The following DNM3 variants were observed in gnomAD, a reference collection of about 807,000 sequenced individuals.
DNM3 encodes the protein dynamin-3.
In DNM3, 47 loss-of-function variants were observed where a neutral mutation model predicts 101.6. The ratio of observed to expected loss-of-function variants is 0.46; its 90% confidence interval spans 0.37 to 0.59. The LOEUF (loss-of-function observed/expected upper bound fraction) is 0.59. DNM3 is among the 20% of genes least tolerant of loss of function. DNM3 has a pLI of 0.00. For missense variants in DNM3, 849 were observed against 1,085.7 expected, an observed-to-expected ratio of 0.78 and a Z score of 3.06; for synonymous variants, 385 against 387.9, an observed-to-expected ratio of 0.99 and a Z score of 0.09.
At chr1:171,843,224 C>G (rs2031544867) in intron 1 of DNM3, among the ~76,000 whole-genome samples, 1 of 152,114 alleles carries the variant, frequency 6.6e-6, no homozygotes, top group African/African-American at 2.4e-5. Context: ...AGTAAAATTG[C>G]TGACAATTGG....
At chr1:171,891,359 AC>A (rs543245190) in intron 1 of DNM3, among the ~76,000 whole-genome samples, 2,385 of 151,240 alleles carry the variant, frequency 0.016, 71 homozygotes, top group African/African-American at 0.055. Context: ...AAAAAAAAAA[AC>A]AGAAAAATTA....
intron 14 of DNM3, among the ~76,000 whole-genome samples, chr1:172,159,021 A>G (rs897898907): frequency 9.2e-5 from 14 of 152,046 alleles, no homozygotes; most frequent in Non-Finnish European, 2.1e-4. Context: ...CTATGTATGT[A>G]TGATCACATA....
At position 171,961,322 on chromosome 1, in the gene DNM3, G is replaced by A. The variant is rs1434092225; in HGVS notation, c.236-26334G>A. On this transcript the variant is annotated intron_variant, in intron 2 of 20. Coordinates refer to ENST00000627582, the MANE Select transcript of DNM3 (RefSeq NM_015569.5). The stretch of plus-strand genomic sequence containing the variant: ...AGACTTTATGGTGACAGTGACAAGA[G>A]CAGCCATGAGGTCAGCTAGAAACAT... 2.6e-5 allele frequency among the ~76,000 whole-genome samples: 4 copies of A among 152,284 alleles called. No homozygotes were observed. In the East Asian group the frequency reaches 7.7e-4, roughly 29 times the overall value.
intron 2 of DNM3, among the ~76,000 whole-genome samples, chr1:171,957,035 G>C (rs1368452792): frequency 6.6e-6 from 1 of 152,086 alleles, no homozygotes; most frequent in African/African-American, 2.4e-5. Context: ...CTTCACAACT[G>C]TGATGGGGGT....
chr1:171,852,840 G>A (rs762889127), intron 1 of DNM3, among the ~76,000 whole-genome samples: 1 of 152,184 alleles, frequency 6.6e-6, no homozygotes, highest in Non-Finnish European at 1.5e-5. Context: ...TGCTTGGCAT[G>A]GTGTAGTCAG....
intron 12 of DNM3, among the ~76,000 whole-genome samples, chr1:172,089,894 C>A (rs1372350389): frequency 6.6e-6 from 1 of 152,146 alleles, no homozygotes; most frequent in Non-Finnish European, 1.5e-5. Context: ...CTTGTTTAGT[C>A]CTCTAGCCCT....
At chr1:172,019,603 AC>A (rs2047692530) in intron 4 of DNM3, among the ~76,000 whole-genome samples, 1 of 150,380 alleles carries the variant, frequency 6.6e-6, no homozygotes, top group South Asian at 2.1e-4. Flanking sequence ...CATATGTTAA[AC>A]CTTTTGTAGT....
At chr1:172,278,462 T>A (rs901814863) in intron 15 of DNM3, among the ~76,000 whole-genome samples, 2 of 152,108 alleles carry the variant, frequency 1.3e-5, no homozygotes, top group Admixed American at 1.3e-4. Context: ...TTTAAGAAAG[T>A]TTACGAATTC....
At chr1:172,113,235 G>C (rs2055616992) in intron 13 of DNM3, among the ~76,000 whole-genome samples, 1 of 152,060 alleles carries the variant, frequency 6.6e-6, no homozygotes, top group African/African-American at 2.4e-5. Flanking sequence ...ATTTTATCTT[G>C]GTAACGTTAA....
intron 15 of DNM3, among the ~76,000 whole-genome samples, chr1:172,263,004 C>A (rs148249063): frequency 1.3e-5 from 2 of 152,202 alleles, no homozygotes; most frequent in East Asian, 1.9e-4. Context: ...ATTGATAATT[C>A]TTTTATTTTG....
chr1:172,166,006 T>C (rs1199811145), intron 14 of DNM3, among the ~76,000 whole-genome samples: 1 of 152,080 alleles, frequency 6.6e-6, no homozygotes, highest in South Asian at 2.1e-4. Context: ...TGTTTCCCCC[T>C]GGCCAGCTTA....
intron 17 of DNM3, among the ~76,000 whole-genome samples, chr1:172,344,019 TG>T (rs1201649474): frequency 6.6e-6 from 1 of 152,220 alleles, no homozygotes; most frequent in African/African-American, 2.4e-5. Context: ...TCTCATCTTC[TG>T]TTCACTTCAG....
chr1:172,075,440 T>C (rs996004617), intron 11 of DNM3, among the ~76,000 whole-genome samples: 1 of 152,222 alleles, frequency 6.6e-6, no homozygotes, highest in Non-Finnish European at 1.5e-5. Flanking sequence ...GTTTTTATGC[T>C]TTTAGGTCTT....
At chr1:172,415,524 G>GGTT (rs1231581260), downstream of DNM3, 4 of 99,128 alleles carry the variant, frequency 4.0e-5, no homozygotes, top group Non-Finnish European at 7.5e-5. Context: ...TTTTTTGTGA[G>GGTT]TTTTTTTTTT....
chr1:171,928,004 G>T (rs549789787), intron 2 of DNM3, among the ~76,000 whole-genome samples: 1 of 152,066 alleles, frequency 6.6e-6, no homozygotes, highest in East Asian at 1.9e-4. Context: ...ATTGAATACA[G>T]TTGATAGACT....
chr1:172,283,165 G>C (rs2255460), intron 15 of DNM3, among the ~76,000 whole-genome samples: 1 of 152,000 alleles, frequency 6.6e-6, no homozygotes, highest in African/African-American at 2.4e-5. Context: ...TGGCTAAAAC[G>C]CCAGGGGCTC....
rs866411129 is a variant in DNM3 at position 172,293,439 on chromosome 1, C to T, written c.1770-15289C>T. On this transcript the variant is annotated intron_variant, in intron 15 of 20. Coordinates refer to ENST00000627582, the MANE Select transcript of DNM3 (RefSeq NM_015569.5). ...CATTGAAGTGACTTATTTCTTTAAA[C>T]TAAAACACATAGTTCAGCTTGGTTG... Among the ~76,000 whole-genome samples the T allele has an allele frequency of 2.4e-4, 37 of 152,302 alleles. 1 individual carries two copies. The highest frequency in any genetic ancestry group is 8.2e-4 in the African/African-American group (34 of 41,546).
intron 20 of DNM3, among the ~76,000 whole-genome samples, chr1:172,403,919 A>C (rs528196154): frequency 1.3e-5 from 2 of 152,188 alleles, no homozygotes; most frequent in Non-Finnish European, 2.9e-5. Flanking sequence ...TTGAATGGTT[A>C]GGAACTGGAC....
At chr1:171,881,306 A>G (rs1434942095) in intron 1 of DNM3, among the ~76,000 whole-genome samples, 2 of 152,168 alleles carry the variant, frequency 1.3e-5, no homozygotes, top group Non-Finnish European at 2.9e-5. Flanking sequence ...TTTTGTGATT[A>G]TGTTATTTAG....
Sources: allele counts gnomAD v4.1 joint callset (sites outside exome capture counted in the v4.1 genomes callset), GRCh38; gene constraint gnomAD v4.1.1; transcripts MANE v1.5; gene names NCBI Gene and HGNC (gene_info 2026-07-23, HGNC 2026-07-21).